ZNF536: variants seen among roughly 807,000 people sequenced by gnomAD.
ZNF536 encodes the protein zinc finger protein 536.
Under a neutral mutation model 84.5 loss-of-function variants are expected in ZNF536, and 13 were observed. The observed-to-expected ratio is 0.15, with a 90% confidence interval of 0.10 to 0.24. ZNF536 has a LOEUF of 0.24. ZNF536 is among the 10% of genes least tolerant of loss of function. The probability of loss-of-function intolerance (pLI) is 1.00; values close to 1 mark genes in which losing one functional copy is unlikely to be tolerated. For synonymous variants in ZNF536, 811 were observed against 742.5 expected (o/e 1.09, Z -1.50); for missense variants, 1,536 against 1,747.5 (o/e 0.88, Z 2.16).
intron 2 of ZNF536, among the ~76,000 whole-genome samples, chr19:30,525,407 G>T (rs2044533331): frequency 6.6e-6 from 1 of 152,172 alleles, no homozygotes; most frequent in Non-Finnish European, 1.5e-5. Flanking sequence ...ATTCCAACTT[G>T]CTTGCCTTCC....
Position 30,445,010 on chromosome 19 carries a change from G to A in ZNF536, c.1448G>A (p.Gly483Glu), listed in dbSNP as rs1281234076. 1 of 1,611,740 alleles carries A rather than the reference G, an allele frequency of 6.2e-7. No homozygotes were observed. Among genetic ancestry groups the A allele is most frequent in the Non-Finnish European group, 8.5e-7 (1 of 1,178,844 alleles). The change falls in exon 2 of 5, where the codon GGG (glycine) becomes GAG (glutamate). Residue 483 changes from glycine to glutamate, a missense_variant. Physicochemically the swap from Gly to Glu is moderately conservative, Grantham distance 98. Around this residue, in one of 8 missense-constraint regions of ZNF536, gnomAD observed 366 missense variants for 364.4 expected, o/e 1.00. Coordinates refer to ENST00000355537, the MANE Select transcript of ZNF536 (RefSeq NM_014717.3). This position sits in a 1 kb window ranked among gnomAD's most constrained non-coding sequence, Gnocchi z 4.5. ...ISSMAHGVPE[G>E]DKHSLLGCLN... is the part of the protein sequence containing the mutation. Reference sequence around the variant, plus strand: ...AGCATGGCCCACGGCGTCCCGGAGGGGGACAAGCACTCCCTCCTGGGATGC... The same window carrying A: ...AGCATGGCCCACGGCGTCCCGGAGGAGGACAAGCACTCCCTCCTGGGATGC...
chr19:30,397,992 C>A (rs987345492), intron 1 of ZNF536, among the ~76,000 whole-genome samples: 9 of 152,140 alleles, frequency 5.9e-5, no homozygotes, highest in African/African-American at 2.2e-4. Flanking sequence ...TCTTTAGTTT[C>A]TTTTTCCCTT....
At chr19:30,331,858 C>T (rs1041652216) in intron 2 of ZNF536, among the ~76,000 whole-genome samples, 3 of 152,112 alleles carry the variant, frequency 2.0e-5, no homozygotes, top group Non-Finnish European at 2.9e-5. Flanking sequence ...CTTGTCTTCC[C>T]GCTGCCCTTC....
rs539488059 is a variant in ZNF536 at position 30,330,363 on chromosome 19, A to G, written c.-119-22005A>G. Among the ~76,000 whole-genome samples, 9 of 152,320 alleles carry G rather than the reference A, an allele frequency of 5.9e-5. No individual in the cohort carries two copies. The East Asian group carries it at 9.7e-4, about 16-fold the overall frequency. ...TGGTCAGTTTCTTGCACACTGGGTT[A>G]TGTGTCACTGGCATTTTAGGGCATT... On this transcript the variant is annotated intron_variant, in intron 2 of 5. Transcript: ENST00000585628.
chr19:30,353,738 A>G (rs1477583777), intron 3 of ZNF536, among the ~76,000 whole-genome samples: 1 of 152,228 alleles, frequency 6.6e-6, no homozygotes, highest in Non-Finnish European at 1.5e-5. Context: ...TCTGCCTGCC[A>G]GATAAGGGAA....
At chr19:30,462,791 T>C (rs62103383) in intron 2 of ZNF536, among the ~76,000 whole-genome samples, 14,656 of 106,734 alleles carry the variant, frequency 0.14, 1,175 homozygotes, top group South Asian at 0.2. Context: ...TGTGTTGGGA[T>C]GCATGTATCC....
At chr19:30,700,940 C>T (rs1471277532) in intron 1 of ZNF536, among the ~76,000 whole-genome samples, 3 of 152,152 alleles carry the variant, frequency 2.0e-5, no homozygotes, top group Non-Finnish European at 2.9e-5. Context: ...TGCTAGTGGG[C>T]AGTGGCTGTT....
At chr19:30,253,501 T>G (rs543459476) in intron 1 of ZNF536, among the ~76,000 whole-genome samples, 2 of 152,376 alleles carry the variant, frequency 1.3e-5, no homozygotes, top group East Asian at 1.9e-4. Context: ...GCAGCCCCTG[T>G]GCTGCCCAAC....
At chr19:30,526,831 G>T (rs1335333845) in intron 2 of ZNF536, among the ~76,000 whole-genome samples, 1 of 151,770 alleles carries the variant, frequency 6.6e-6, no homozygotes, top group Non-Finnish European at 1.5e-5. Flanking sequence ...TAAGGAAAAT[G>T]TAATCCATGT....
At chr19:30,319,335 A>G (rs2046784282) in intron 2 of ZNF536, among the ~76,000 whole-genome samples, 1 of 152,198 alleles carries the variant, frequency 6.6e-6, no homozygotes, top group Non-Finnish European at 1.5e-5. Context: ...TTTTAAAACA[A>G]ATAATTTAGT....
chr19:30,599,345 CTGA>C, intron 1 of ZNF536, among the ~76,000 whole-genome samples: 1 of 135,330 alleles, frequency 7.4e-6, no homozygotes, highest in African/African-American at 2.8e-5. Context: ...TCCTCCCTCC[CTGA>C]TCCCTCCTTC....
At chr19:30,440,750 A>G (rs1055726905) in intron 1 of ZNF536, among the ~76,000 whole-genome samples, 1 of 152,126 alleles carries the variant, frequency 6.6e-6, no homozygotes, top group Non-Finnish European at 1.5e-5. Context: ...ACCCACAAGA[A>G]TAAGAACAGA....
At chr19:30,538,829 G>T (rs887284959) in intron 3 of ZNF536, among the ~76,000 whole-genome samples, 1 of 152,186 alleles carries the variant, frequency 6.6e-6, no homozygotes, top group African/African-American at 2.4e-5. Flanking sequence ...CACAGTGTCT[G>T]TGATTCAAAT....
chr19:30,413,908 G>A (rs564894677), intron 1 of ZNF536, among the ~76,000 whole-genome samples: 1 of 151,740 alleles, frequency 6.6e-6, no homozygotes, highest in Non-Finnish European at 1.5e-5. Flanking sequence ...TGGCTAACAT[G>A]GTGAAACCCC....
rs1299861804 is a variant in ZNF536 at position 30,587,000 on chromosome 19, G to A, written c.169+37486G>A. 4.6e-5 allele frequency among the ~76,000 whole-genome samples: 7 copies of A among 152,268 alleles called. No individual in the cohort carries two copies. The South Asian group carries it at 1.5e-3, about 32-fold the overall frequency. On this transcript the variant is annotated intron_variant, in intron 1 of 1. Coordinates refer to the ZNF536 transcript ENST00000592773. The stretch of plus-strand genomic sequence containing the variant: ...GCTTACTTTAGCTTATTCTATAAGG[G>A]ACTCTCTAAGAACAACTAAAAAGAT...
intron 1 of ZNF536, among the ~76,000 whole-genome samples, chr19:30,608,197 A>G (rs1028778727): frequency 1.3e-5 from 2 of 152,178 alleles, no homozygotes; most frequent in Non-Finnish European, 2.9e-5. Flanking sequence ...ACAGAAGTAA[A>G]CTTTTTCAAG....
intron 2 of ZNF536, among the ~76,000 whole-genome samples, chr19:30,464,458 C>T (rs2053295106): frequency 1.3e-5 from 2 of 152,092 alleles, no homozygotes; most frequent in Non-Finnish European, 2.9e-5. Flanking sequence ...ACATCTTCTC[C>T]CAGCCATTTC....
intron 1 of ZNF536, among the ~76,000 whole-genome samples, chr19:30,427,547 G>A (rs1050918990): frequency 6.6e-6 from 1 of 152,126 alleles, no homozygotes; most frequent in South Asian, 2.1e-4. Context: ...TTGTTGGTTG[G>A]CTGTAGATGT....
chr19:30,682,601 C>G lies in ZNF536; in HGVS notation c.170-28156C>G, dbSNP rs999352001. Among the ~76,000 whole-genome samples the G allele has an allele frequency of 2.6e-5, 4 of 152,314 alleles. No individual in the cohort carries two copies. In the South Asian group the frequency reaches 8.3e-4, roughly 32 times the overall value. On this transcript the variant is annotated intron_variant, in intron 1 of 1. Coordinates refer to the ZNF536 transcript ENST00000592773. ...GCCAAATGGGCATAATATTAAGTAA[C>G]GTTGGCAGGGGGCAGCTCACGGTCC...
Sources: allele counts gnomAD v4.1 joint callset (sites outside exome capture counted in the v4.1 genomes callset), GRCh38; gene constraint gnomAD v4.1.1; regional missense constraint gnomAD v4.1.1; non-coding constraint Gnocchi (gnomAD v3.1); transcripts MANE v1.5; gene names NCBI Gene and HGNC (gene_info 2026-07-23, HGNC 2026-07-21).